Variants in PATL2 observed in about 807,000 individuals in gnomAD.
PATL2 encodes protein PAT1 homolog 2.
A neutral mutation model predicts 77.0 loss-of-function variants in PATL2; 73 were observed. The ratio of observed to expected loss-of-function variants is 0.95; its 90% CI spans 0.78 to 1.15. PATL2 has a LOEUF of 1.15. Ranked by LOEUF, PATL2 falls within the 50% of genes most tolerant of loss-of-function variation. PATL2 has a pLI of 0.00. For missense variants in PATL2, 618 were observed against 655.4 expected (o/e 0.94, Z 0.62); for synonymous variants, 265 against 257.1 (o/e 1.03, Z -0.29).
At chr15:44,666,209 T>TA (rs200659237) in intron 17 of PATL2, among the ~76,000 whole-genome samples, 183 bp downstream of exon 17, 2,509 of 152,314 alleles carry the variant, frequency 0.016, 36 homozygotes, top group Non-Finnish European at 0.028. Flanking sequence ...GCACCTGGAA[T>TA]AAAAGGTTGG....
chr15:44,686,788 T>A (rs2086267645), intron 3 of PATL2, among the ~76,000 whole-genome samples: 1 of 152,036 alleles, frequency 6.6e-6, no homozygotes, highest in South Asian at 2.1e-4. Context: ...TCTATGCAAA[T>A]AAACTAGAAA....
chr15:44,679,552 CTT>C (rs545161525), intron 3 of PATL2, among the ~76,000 whole-genome samples: 3,717 of 114,194 alleles, frequency 0.033, 130 homozygotes, highest in African/African-American at 0.1. Flanking sequence ...TTTTCTTTTT[CTT>C]TTTTTTTTTT....
At chr15:44,708,367 T>A (rs2086783719) in intron 3 of PATL2, among the ~76,000 whole-genome samples, 1 of 152,210 alleles carries the variant, frequency 6.6e-6, no homozygotes, top group Admixed American at 6.5e-5. Flanking sequence ...TACAATATAT[T>A]ACACTTAAAG....
At chr15:44,672,477 G>C (rs188828155) in intron 7 of PATL2, 21 bp from the exon 8 acceptor site, 5 of 1,547,198 alleles carry the variant, frequency 3.2e-6, no homozygotes, top group East Asian at 2.4e-5. Context: ...AAGAAGTAAC[G>C]AGCTGGGTGG....
In PATL2 at chr15:44,667,982, C is replaced by G. The variant is rs80355983; in HGVS notation, c.1365+360G>C. ...AATATTTATTATGTACCTATTATTA[C>G]TAGTGTTACATGTATTTGATTTATA... On this transcript the variant is annotated intron_variant, in intron 15 of 17. Coordinates refer to ENST00000682850, the MANE Select transcript of PATL2 (RefSeq NM_001387263.1). Among the ~76,000 whole-genome samples, 1,309 of 152,230 alleles carry G rather than the reference C, an allele frequency of 8.6e-3. 20 individuals are homozygous for G. The highest frequency in any genetic ancestry group is 0.029 in the African/African-American group (1,217 of 41,544).
intron 3 of PATL2, among the ~76,000 whole-genome samples, chr15:44,694,199 C>T (rs1036476573): frequency 4.6e-4 from 70 of 152,248 alleles, no homozygotes; most frequent in Non-Finnish European, 6.8e-4. Flanking sequence ...GCCTGGCTTC[C>T]GGGGATAGAT....
At chr15:44,703,844 C>T (rs1177944667) in intron 3 of PATL2, among the ~76,000 whole-genome samples, 1 of 148,526 alleles carries the variant, frequency 6.7e-6, no homozygotes. Context: ...TTACTCTTGC[C>T]ATTTTGTTAT....
chr15:44,673,954 T>G (rs2085820431), intron 6 of PATL2, among the ~76,000 whole-genome samples, 196 bp downstream of exon 6: 1 of 152,188 alleles, frequency 6.6e-6, no homozygotes, highest in Non-Finnish European at 1.5e-5. Flanking sequence ...TACCACTTAT[T>G]AAGGTGTCTA....
At chr15:44,695,012 C>T (rs1490333837) in intron 3 of PATL2, among the ~76,000 whole-genome samples, 2 of 151,992 alleles carry the variant, frequency 1.3e-5, no homozygotes, top group African/African-American at 2.4e-5. Flanking sequence ...ATGGTGAAAC[C>T]CGGTCTCTAC....
chr15:44,702,405 A>T (rs755815662), intron 3 of PATL2, among the ~76,000 whole-genome samples: 3 of 150,318 alleles, frequency 2.0e-5, no homozygotes, highest in Non-Finnish European at 3.0e-5. Context: ...CTGGCTAAGG[A>T]ATTGTTGATT....
chr15:44,675,139 G>A (rs141770265), intron 5 of PATL2: 138 of 232,280 alleles, frequency 5.9e-4, no homozygotes, highest in African/African-American at 2.7e-3. Context: ...CACTAGTTAT[G>A]GGATCCAGGG....
intron 3 of PATL2, among the ~76,000 whole-genome samples, chr15:44,704,155 A>ATTT (rs374729545): frequency 7.5e-5 from 10 of 134,060 alleles, no homozygotes; most frequent in African/African-American, 2.5e-4. Flanking sequence ...TGTCTGGCTA[A>ATTT]TTTTTTTTTT....
chr15:44,699,626 C>G (rs140575445), intron 3 of PATL2, among the ~76,000 whole-genome samples: 1,756 of 152,236 alleles, frequency 0.012, 26 homozygotes, highest in Admixed American at 0.02. Flanking sequence ...GTGTGAGCCA[C>G]CATGCCCAGC....
intron 3 of PATL2, among the ~76,000 whole-genome samples, chr15:44,687,410 A>T (rs1459066876): frequency 6.6e-6 from 1 of 152,206 alleles, no homozygotes; most frequent in Non-Finnish European, 1.5e-5. Flanking sequence ...CGTATCTCAA[A>T]ATAATAAGAG....
intron 14 of PATL2, among the ~76,000 whole-genome samples, 193 bp downstream of exon 14, chr15:44,668,787 C>T (rs144158172): frequency 1.1e-3 from 163 of 152,292 alleles, no homozygotes; most frequent in African/African-American, 3.8e-3. Flanking sequence ...GCTTTTTGTT[C>T]GTCATACCTG....
chr15:44,706,214 T>C (rs1249564872), intron 3 of PATL2, among the ~76,000 whole-genome samples: 1 of 152,234 alleles, frequency 6.6e-6, no homozygotes, highest in Non-Finnish European at 1.5e-5. Context: ...GTCCTGATGC[T>C]TGTGGATGTT....
chr15:44,669,711 A>G (rs2085567934), intron 11 of PATL2, 66 bp downstream of exon 11: 4 of 1,527,100 alleles, frequency 2.6e-6, no homozygotes, highest in Non-Finnish European at 3.6e-6. Flanking sequence ...AGTCTTAAAC[A>G]CAAGAATGTT....
chr15:44,678,656 A>AT lies in PATL2; in HGVS notation c.-75-2092dup, dbSNP rs372744884. Among the ~76,000 whole-genome samples, 85 of 152,286 alleles carry AT rather than the reference A, an allele frequency of 5.6e-4. 1 individual carries two copies. Among genetic ancestry groups the AT allele is most frequent in the African/African-American group, 2.0e-3 (82 of 41,556 alleles). ...CAGGTACACAGGATTGTTGGGTCAG[A>AT]TTTTAAAAAGACATTAGAGTGGCTC... On this transcript the variant is annotated intron_variant, in intron 3 of 17. Transcript: ENST00000682850.
In PATL2 at chr15:44,672,442, A is replaced by G; in HGVS notation, c.461T>C (p.Leu154Pro). 6.4e-7 allele frequency: 1 copy of G among 1,551,514 alleles called. No individual in the cohort carries two copies. The highest frequency in any genetic ancestry group is 8.7e-7 in the Non-Finnish European group (1 of 1,146,938). Residue 154 changes from leucine (L) to proline (P), a missense_variant, in exon 8 of 18, where the codon CTC (leucine) becomes CCC (proline). Coordinates refer to ENST00000682850, the MANE Select transcript of PATL2 (RefSeq NM_001387263.1). Reference sequence around the variant, plus strand: ...CAAGATTCGTTGGTGCCGAGGGTGGAGCTGGGTCAGATGACTGGGAAGACA... The same window carrying G: ...CAAGATTCGTTGGTGCCGAGGGTGGGGCTGGGTCAGATGACTGGGAAGACA... ...WPPRFSHLTQ[L>P]HPRHQRILQQ... is the part of the protein sequence containing the mutation.
Sources: allele counts gnomAD v4.1 joint callset (sites outside exome capture counted in the v4.1 genomes callset), GRCh38; gene constraint gnomAD v4.1.1; transcripts MANE v1.5; gene names NCBI Gene and HGNC (gene_info 2026-07-23, HGNC 2026-07-21).